SLC22A3: variants seen among roughly 807,000 people sequenced by gnomAD.
SLC22A3 encodes the protein solute carrier family 22 member 3.
SLC22A3 carries 51 observed loss-of-function variants against 59.1 expected under a neutral mutation model. That is an observed-to-expected ratio of 0.86 (90% CI 0.69 to 1.09). The LOEUF (loss-of-function observed/expected upper bound fraction) is 1.09, where lower values mean the gene tolerates loss of function less well. SLC22A3 is among the 50% of genes least tolerant of loss of function. SLC22A3 has a pLI of 0.00. For missense variants in SLC22A3, 711 were observed against 726.3 expected (o/e 0.98, Z 0.24); for synonymous variants, 325 against 292.0 (o/e 1.11, Z -1.15).
intron 5 of SLC22A3, among the ~76,000 whole-genome samples, chr6:160,421,392 C>T (rs1448175954): frequency 5.9e-5 from 9 of 152,162 alleles, no homozygotes; most frequent in Non-Finnish European, 1.2e-4. Context: ...ACAGGAGTTC[C>T]GAGCTTTGCG....
intron 5 of SLC22A3, among the ~76,000 whole-genome samples, chr6:160,411,497 G>A (rs2114861999): frequency 6.6e-6 from 1 of 152,282 alleles, no homozygotes; most frequent in Non-Finnish European, 1.5e-5. Flanking sequence ...CAGTGCTTTG[G>A]GAGGCTGAGG....
At chr6:160,386,409 T>C (rs1198533947) in intron 1 of SLC22A3, among the ~76,000 whole-genome samples, 1 of 152,280 alleles carries the variant, frequency 6.6e-6, no homozygotes, top group African/African-American at 2.4e-5. Context: ...TCTTGGTTTT[T>C]AGGGTATCTC....
intron 5 of SLC22A3, among the ~76,000 whole-genome samples, chr6:160,434,029 C>A (rs1019876696): frequency 1.3e-5 from 2 of 152,138 alleles, no homozygotes; most frequent in Non-Finnish European, 2.9e-5. Flanking sequence ...GTCAGGGAAT[C>A]CCTGGAGAGA....
intron 10 of SLC22A3, 58 bp from the exon 11 acceptor site, chr6:160,450,938 A>G: frequency 6.9e-7 from 1 of 1,456,024 alleles, no homozygotes; most frequent in Non-Finnish European, 9.4e-7. Context: ...ATAACAGAAC[A>G]CCCTCTTCTA....
intron 1 of SLC22A3, among the ~76,000 whole-genome samples, chr6:160,395,473 A>T (rs1481803009): frequency 6.6e-6 from 1 of 152,188 alleles, no homozygotes. Context: ...TTCCAAAGCA[A>T]ATGTTGCATT....
In SLC22A3 at chr6:160,443,569, T is replaced by G. The variant is rs569769384; in HGVS notation, c.1398-61T>G. 9 of 1,118,750 alleles carry G rather than the reference T, an allele frequency of 8.0e-6. No individual in the cohort carries two copies. The Admixed American group carries it at 1.6e-4, about 20-fold the overall frequency. 69.3% of individuals were successfully genotyped at this position (1,118,750 alleles called of 1,614,324 possible). On this transcript the variant is annotated intron_variant, in intron 8 of 10. Coordinates refer to ENST00000275300, the MANE Select transcript of SLC22A3 (RefSeq NM_021977.4). ...GGTTTTTTAATATGTCTGAATATGT[T>G]GATTATCTTGAAGTCACTTGTTGAA... is the stretch of plus-strand genomic sequence containing the variant.
chr6:160,442,922 T>TGA, intron 8 of SLC22A3, 53 bp downstream of exon 8: 1 of 1,356,376 alleles, frequency 7.4e-7, no homozygotes, highest in African/African-American at 1.4e-5. Context: ...AGACCAGCGT[T>TGA]TTAAGTTGAT....
intron 5 of SLC22A3, among the ~76,000 whole-genome samples, chr6:160,422,307 T>G (rs568319594): frequency 8.5e-5 from 13 of 152,314 alleles, no homozygotes; most frequent in African/African-American, 3.1e-4. Flanking sequence ...AGAAAACACA[T>G]TGTCATTCAA....
intron 5 of SLC22A3, among the ~76,000 whole-genome samples, chr6:160,417,000 GA>G (rs1787522310): frequency 6.6e-6 from 1 of 152,188 alleles, no homozygotes; most frequent in South Asian, 2.1e-4. Flanking sequence ...AAGTAAGCAT[GA>G]ACTGCTAATA....
At chr6:160,434,738 G>T (rs1788274534) in intron 5 of SLC22A3, among the ~76,000 whole-genome samples, 1 of 152,148 alleles carries the variant, frequency 6.6e-6, no homozygotes, top group Non-Finnish European at 1.5e-5. Flanking sequence ...GGTAGACACA[G>T]AAAAATCCCT....
chr6:160,349,872 A>G (rs977414780), intron 1 of SLC22A3, among the ~76,000 whole-genome samples: 4 of 152,220 alleles, frequency 2.6e-5, no homozygotes, highest in Non-Finnish European at 5.9e-5. Context: ...TTAGGAAAAA[A>G]GGTTTGTCTT....
chr6:160,390,174 T>G (rs1786193910), intron 1 of SLC22A3, among the ~76,000 whole-genome samples: 1 of 152,206 alleles, frequency 6.6e-6, no homozygotes, highest in Non-Finnish European at 1.5e-5. Flanking sequence ...ATCCACTTGT[T>G]AAGCACTCCT....
intron 7 of SLC22A3, 111 bp downstream of exon 7, chr6:160,437,322 C>A: frequency 1.8e-6 from 2 of 1,088,942 alleles, no homozygotes; most frequent in South Asian, 1.3e-5. Flanking sequence ...GAATCACAGT[C>A]TTTCGTGATG....
At chr6:160,406,895 AC>A in intron 2 of SLC22A3, 145 bp from the exon 3 acceptor site, 1 of 951,366 alleles carries the variant, frequency 1.1e-6, no homozygotes, top group Non-Finnish European at 1.5e-6. Flanking sequence ...ACATAGGGAC[AC>A]CCTGTCTCTA....
chr6:160,377,023 A>G (rs898145835), intron 1 of SLC22A3, among the ~76,000 whole-genome samples: 13 of 152,164 alleles, frequency 8.5e-5, no homozygotes, highest in African/African-American at 3.1e-4. Flanking sequence ...CACATCCAAC[A>G]CCTGGCAAGG....
chr6:160,382,623 C>A (rs1463952778), intron 1 of SLC22A3, among the ~76,000 whole-genome samples: 1 of 152,140 alleles, frequency 6.6e-6, no homozygotes, highest in Non-Finnish European at 1.5e-5. Context: ...ATATATCAAG[C>A]TAGTAAGACA....
At chr6:160,406,873 C>T (rs368524874) in intron 2 of SLC22A3, among the ~76,000 whole-genome samples, 168 bp from the exon 3 acceptor site, 87 of 152,224 alleles carry the variant, frequency 5.7e-4, no homozygotes, top group African/African-American at 1.8e-3. Flanking sequence ...TTTTGTAATT[C>T]CAGCCTAGGC....
At chr6:160,385,628 C>T (rs1243675280) in intron 1 of SLC22A3, among the ~76,000 whole-genome samples, 1 of 152,242 alleles carries the variant, frequency 6.6e-6, no homozygotes. Flanking sequence ...GACCCATGGG[C>T]TCCTGCACAA....
chr6:160,401,255 C>T (rs1196773547), intron 2 of SLC22A3, among the ~76,000 whole-genome samples: 1 of 151,822 alleles, frequency 6.6e-6, no homozygotes, highest in Non-Finnish European at 1.5e-5. Context: ...CTAGTTATAT[C>T]GTAGTCAAAC....
Sources: allele counts gnomAD v4.1 joint callset (sites outside exome capture counted in the v4.1 genomes callset), GRCh38; gene constraint gnomAD v4.1.1; transcripts MANE v1.5; gene names NCBI Gene and HGNC (gene_info 2026-07-23, HGNC 2026-07-21).